Variants in SOX5 observed in about 807,000 individuals in gnomAD.
The protein encoded by SOX5 is SRY-box transcription factor 5.
Under a neutral mutation model 92.0 loss-of-function variants are expected in SOX5, and 9 were observed. The observed-to-expected ratio is 0.10, with a 90% CI of 0.06 to 0.17. SOX5 has a LOEUF of 0.17. SOX5 is among the 10% of genes least tolerant of loss of function. The pLI, the probability that SOX5 is intolerant of heterozygous loss-of-function variation, is 1.00. For missense variants in SOX5, 642 were observed against 944.5 expected, an observed-to-expected ratio of 0.68 and a Z score of 4.20; for synonymous variants, 344 against 336.3, an observed-to-expected ratio of 1.02 and a Z score of -0.25.
At position 23,790,845 on chromosome 12, in the gene SOX5, T is replaced by C. The variant is rs143929581; in HGVS notation, c.482-35121A>G. Reference sequence around the variant, plus strand: ...CACAGTAATAGGCTTTTTCTATGCATGCAATCTCATTTAATATTTACACCC... The same window carrying C: ...CACAGTAATAGGCTTTTTCTATGCACGCAATCTCATTTAATATTTACACCC... On this transcript the variant is annotated intron_variant, in intron 3 of 14. Transcript: ENST00000451604. 2.6e-4 allele frequency among the ~76,000 whole-genome samples: 39 copies of C among 152,244 alleles called. No individual in the cohort carries two copies. In the East Asian group the frequency reaches 7.2e-3, roughly 28 times the overall value.
At chr12:24,213,074 A>T (rs1232332105) in intron 4 of SOX5, among the ~76,000 whole-genome samples, 1 of 152,232 alleles carries the variant, frequency 6.6e-6, no homozygotes, top group African/African-American at 2.4e-5. Context: ...AAGGAAAAAA[A>T]TATAGAAAAA....
intron 7 of SOX5, 32 bp from the exon 8 acceptor site, chr12:23,640,929 CT>C: frequency 1.4e-6 from 2 of 1,379,542 alleles, no homozygotes; most frequent in Admixed American, 1.9e-5. Flanking sequence ...GCGTCAGCAC[CT>C]TTTATCTACT....
intron 3 of SOX5, among the ~76,000 whole-genome samples, chr12:24,271,982 A>ACACACAC (rs71448003): frequency 1.5e-4 from 22 of 150,520 alleles, no homozygotes; most frequent in Non-Finnish European, 2.8e-4. Context: ...CACACACACA[A>ACACACAC]ACACACACAC....
intron 3 of SOX5, among the ~76,000 whole-genome samples, chr12:23,831,317 C>A (rs553246020): frequency 5.3e-5 from 8 of 151,848 alleles, no homozygotes; most frequent in Non-Finnish European, 8.8e-5. Context: ...GGATATGTTA[C>A]TGTTTTGTTC....
At chr12:24,442,264 G>T (rs1449905314) in intron 1 of SOX5, among the ~76,000 whole-genome samples, 1 of 152,124 alleles carries the variant, frequency 6.6e-6, no homozygotes, top group Non-Finnish European at 1.5e-5. Flanking sequence ...TTTCCATGTA[G>T]ATTATGTCCT....
intron 4 of SOX5, among the ~76,000 whole-genome samples, chr12:24,192,091 T>C (rs1239822522): frequency 6.6e-6 from 1 of 152,212 alleles, no homozygotes; most frequent in African/African-American, 2.4e-5. Flanking sequence ...TAAAACTTTG[T>C]AAGCAGGTAA....
chr12:23,973,469 T>C (rs1203400327), intron 4 of SOX5, among the ~76,000 whole-genome samples: 4 of 152,178 alleles, frequency 2.6e-5, no homozygotes, highest in African/African-American at 9.7e-5. Flanking sequence ...AGAATTTCCA[T>C]CTTTTTAAAG....
chr12:24,232,560 G>C (rs571581666), intron 3 of SOX5, among the ~76,000 whole-genome samples: 2 of 152,184 alleles, frequency 1.3e-5, no homozygotes, highest in African/African-American at 4.8e-5. Flanking sequence ...AAAGTTGCTA[G>C]AGACATGCCC....
chr12:24,299,785 G>T (rs893577150), intron 2 of SOX5, among the ~76,000 whole-genome samples: 11 of 152,054 alleles, frequency 7.2e-5, no homozygotes, highest in African/African-American at 2.7e-4. Context: ...CCGAAGCTCT[G>T]CATCAAACAA....
At chr12:24,384,098 T>G (rs984050635) in intron 1 of SOX5, among the ~76,000 whole-genome samples, 4 of 152,192 alleles carry the variant, frequency 2.6e-5, no homozygotes, top group Non-Finnish European at 4.4e-5. Context: ...TCCTGAGGCC[T>G]CTCCAGCCAT....
chr12:23,672,635 C>A (rs2084983997), intron 6 of SOX5, among the ~76,000 whole-genome samples: 1 of 151,986 alleles, frequency 6.6e-6, no homozygotes, highest in Admixed American at 6.6e-5. Flanking sequence ...TTCAGGGCAA[C>A]TGTCATTTCT....
intron 4 of SOX5, among the ~76,000 whole-genome samples, chr12:24,053,302 A>G (rs1957759453): frequency 6.7e-6 from 1 of 149,242 alleles, no homozygotes; most frequent in African/African-American, 2.5e-5. Flanking sequence ...CAATTTTTTT[A>G]TACTGTTAGT....
chr12:24,078,602 T>C (rs1942941169), intron 4 of SOX5, among the ~76,000 whole-genome samples: 1 of 152,010 alleles, frequency 6.6e-6, no homozygotes, highest in Non-Finnish European at 1.5e-5. Context: ...ATCAGTGAGA[T>C]AAATGGATCT....
Position 24,017,809 on chromosome 12 carries a change from G to A in SOX5, c.-1-121785C>T, listed in dbSNP as rs117856131. 4.3e-3 allele frequency among the ~76,000 whole-genome samples: 656 copies of A among 152,046 alleles called. 4 individuals are homozygous for A. The highest frequency in any genetic ancestry group is 0.01 in the Middle Eastern group (3 of 294). ...TACTTCCCTATCACCGTCACTTTCA[G>A]ATGACCTCACTTCCCACAGAGATGT... On this transcript the variant is annotated intron_variant, in intron 4 of 4. Transcript: ENST00000446891.
chr12:24,179,391 C>T (rs1006272534), intron 4 of SOX5, among the ~76,000 whole-genome samples: 3 of 152,130 alleles, frequency 2.0e-5, no homozygotes, highest in African/African-American at 7.2e-5. Flanking sequence ...AGAAATCATA[C>T]TTTGAATTCT....
Position 24,071,590 on chromosome 12 carries a change from C to T in SOX5, c.-2+141753G>A, listed in dbSNP as rs529403309. Among the ~76,000 whole-genome samples the T allele has an allele frequency of 1.1e-4, 16 of 152,158 alleles. No homozygotes were observed. The South Asian group carries it at 2.3e-3, about 22-fold the overall frequency. ...GCTGGGATACAGGCACCCGCCACCA[C>T]GCCCGGCTAATTTTTCATAGTTTTT... is the stretch of plus-strand genomic sequence containing the variant. On this transcript the variant is annotated intron_variant, in intron 4 of 4. Transcript: ENST00000446891.
intron 1 of SOX5, among the ~76,000 whole-genome samples, chr12:24,503,971 A>AT (rs895455017): frequency 7.2e-5 from 11 of 152,212 alleles, no homozygotes; most frequent in African/African-American, 2.6e-4. Context: ...TTAAAGTATA[A>AT]TTAAAAAAAA....
intron 6 of SOX5, among the ~76,000 whole-genome samples, chr12:23,695,286 T>A (rs1332858948): frequency 6.6e-6 from 1 of 152,188 alleles, no homozygotes; most frequent in East Asian, 1.9e-4. Context: ...AACTTGCTCA[T>A]CATTTTCAAA....
intron 1 of SOX5, among the ~76,000 whole-genome samples, chr12:24,516,169 G>A (rs1949769694): frequency 6.6e-6 from 1 of 151,294 alleles, no homozygotes; most frequent in South Asian, 2.1e-4. Context: ...CAACCTCCCG[G>A]GTACTTAGGA....
Sources: allele counts gnomAD v4.1 joint callset (sites outside exome capture counted in the v4.1 genomes callset), GRCh38; gene constraint gnomAD v4.1.1; transcripts MANE v1.5; gene names NCBI Gene and HGNC (gene_info 2026-07-23, HGNC 2026-07-21).